The following DZIP1 variants were observed in gnomAD, a reference collection of about 807,000 sequenced individuals.
DZIP1 encodes cilium assembly protein DZIP1.
DZIP1 carries 97 observed loss-of-function variants against 107.6 expected under a neutral mutation model. That is an observed-to-expected ratio of 0.90 (90% CI 0.77 to 1.07). DZIP1 has a LOEUF of 1.07. Among genes scored for constraint, DZIP1 ranks in the 50% least tolerant of loss-of-function variants. DZIP1 has a pLI of 0.00. For missense variants in DZIP1, 1,035 were observed against 1,063.6 expected, an observed-to-expected ratio of 0.97 and a Z score of 0.37; for synonymous variants, 390 against 386.4, an observed-to-expected ratio of 1.01 and a Z score of -0.11.
intron 7 of DZIP1, among the ~76,000 whole-genome samples, chr13:95,628,807 C>G (rs965315805): frequency 2.0e-5 from 3 of 152,102 alleles, no homozygotes; most frequent in African/African-American, 7.2e-5. Flanking sequence ...CTCTATGCTT[C>G]CATTCATATG....
chr13:95,593,572 T>G (rs1029881583), intron 16 of DZIP1, among the ~76,000 whole-genome samples: 1 of 152,220 alleles, frequency 6.6e-6, no homozygotes, highest in African/African-American at 2.4e-5. Flanking sequence ...TAATAGGCAA[T>G]GATTTGAGGT....
At chr13:95,605,613 T>C (rs1327428723) in intron 14 of DZIP1, among the ~76,000 whole-genome samples, 14 of 152,218 alleles carry the variant, frequency 9.2e-5, no homozygotes, top group Non-Finnish European at 1.6e-4. Flanking sequence ...TGCTGCCACA[T>C]TGAAAGTTAT....
At chr13:95,596,248 A>G (rs747221228) in intron 15 of DZIP1, among the ~76,000 whole-genome samples, 2 of 152,182 alleles carry the variant, frequency 1.3e-5, no homozygotes, top group African/African-American at 2.4e-5. Flanking sequence ...CAAGACCAAG[A>G]CAAAACTTTC....
chr13:95,618,671 T>C (rs1875448276), intron 10 of DZIP1, among the ~76,000 whole-genome samples: 1 of 152,224 alleles, frequency 6.6e-6, no homozygotes, highest in Admixed American at 6.5e-5. Flanking sequence ...TTTGGAGAAA[T>C]ATAAGCTGAT....
Position 95,641,736 on chromosome 13 carries a change from C to T in DZIP1, c.156G>A (p.Ser52=), listed in dbSNP as rs767775575. The T allele has an allele frequency of 5.0e-6, 8 of 1,593,484 alleles. No homozygotes were observed. The highest frequency in any genetic ancestry group is 6.8e-6 in the Non-Finnish European group (8 of 1,175,426). ...SMACAPPSAA[S]GPLPFFQFRP... is the part of the protein sequence containing the mutation. ...TGAACTGGAAGAAGGGCAGGGGCCC[C>T]GAAGCCGCGCTGGGGGGCGCACAGG... Residue 52 remains serine, a synonymous_variant, in exon 5 of 23, where the codon TCG becomes TCA. Transcript: ENST00000376829. This position sits in a 1 kb window ranked among gnomAD's most constrained non-coding sequence, Gnocchi z 4.3.
At chr13:95,629,863 TA>T in intron 7 of DZIP1, 125 bp downstream of exon 7, 1 of 958,508 alleles carries the variant, frequency 1.0e-6, no homozygotes, top group Non-Finnish European at 1.4e-6. Context: ...AGATTGGCAA[TA>T]AAAAATGCAA....
chr13:95,626,719 A>G (rs1876584785), intron 7 of DZIP1, among the ~76,000 whole-genome samples: 1 of 152,242 alleles, frequency 6.6e-6, no homozygotes, highest in Non-Finnish European at 1.5e-5. Flanking sequence ...ATATTTCTAT[A>G]TACCAGCAAT....
intron 5 of DZIP1, among the ~76,000 whole-genome samples, chr13:95,638,651 A>ACG (rs977653250): frequency 6.6e-6 from 1 of 151,664 alleles, no homozygotes; most frequent in African/African-American, 2.4e-5. Context: ...ACACACACAC[A>ACG]CACACACACA....
intron 13 of DZIP1, among the ~76,000 whole-genome samples, chr13:95,608,064 C>T (rs890320064): frequency 6.6e-6 from 1 of 152,130 alleles, no homozygotes; most frequent in Non-Finnish European, 1.5e-5. Context: ...ATCATTAGAA[C>T]CTTGGCTTTT....
At chr13:95,613,042 C>T (rs1317998368) in intron 10 of DZIP1, among the ~76,000 whole-genome samples, 1 of 151,504 alleles carries the variant, frequency 6.6e-6, no homozygotes, top group African/African-American at 2.4e-5. Context: ...GGGAGAGATG[C>T]AGAGGACAGA....
intron 7 of DZIP1, among the ~76,000 whole-genome samples, chr13:95,629,328 C>T (rs1195885295): frequency 6.6e-6 from 1 of 152,252 alleles, no homozygotes; most frequent in Non-Finnish European, 1.5e-5. Context: ...TCATGGGCCT[C>T]TTTCCTCTTG....
At position 95,633,472 on chromosome 13, in the gene DZIP1, T is replaced by G. The variant is rs949930623; in HGVS notation, c.598-151A>C. On this transcript the variant is annotated intron_variant, in intron 5 of 22. Transcript: ENST00000376829. ...TCAAGGTAGGCAGATCACCCAAGGT[T>G]AGAAGTTTGAGACCAGCCTGGCCAA... The G allele has an allele frequency of 3.6e-5, 23 of 637,440 alleles. No homozygotes were observed. In the African/African-American group the frequency reaches 3.7e-4, roughly 10 times the overall value. The allele number at this position is 637,440 out of a possible 1,614,324, so 39.5% of individuals were successfully genotyped here. A position where few individuals can be genotyped will look rare whatever the true frequency, so the allele number is the denominator to read the frequency against.
rs2044244371 is a variant in DZIP1, at chr13:95,589,216, A to C, written c.1974-9T>G. On this transcript the variant is annotated splice_polypyrimidine_tract_variant and intron_variant, in intron 18 of 22. Transcript: ENST00000376829. ...TGACATTTTTCTTAATTCTAAAAAA[A>C]CAACAGAAAAATATTTTTAAATTGC... 6.4e-7 allele frequency: 1 copy of C among 1,570,716 alleles called. No homozygotes were observed. The highest frequency in any genetic ancestry group is 8.7e-7 in the Non-Finnish European group (1 of 1,148,704).
At chr13:95,590,787 C>T (rs2044290723) in intron 16 of DZIP1, among the ~76,000 whole-genome samples, 1 of 152,184 alleles carries the variant, frequency 6.6e-6, no homozygotes, top group South Asian at 2.1e-4. Context: ...GCCTGAAGGA[C>T]AGGTGGAGTC....
Position 95,641,903 on chromosome 13 carries a change from G to C in DZIP1, c.37-48C>G. ...GCGGCGGGAGGCGGGGATGGGGGGC[G>C]GGCAGGCTGGGGAGCTGGGGGTCCG... On this transcript the variant is annotated intron_variant, in intron 4 of 22. Transcript: ENST00000376829. The surrounding 1 kb of genome is among the most constrained non-coding windows in gnomAD (Gnocchi z 4.3). 1 of 1,435,738 alleles carries C rather than the reference G, an allele frequency of 7.0e-7. No individual in the cohort carries two copies. Among genetic ancestry groups the C allele is most frequent in the Non-Finnish European group, 9.1e-7 (1 of 1,096,796 alleles). The allele number at this position is 1,435,738 out of a possible 1,614,324, so 88.9% of individuals were successfully genotyped here.
intron 5 of DZIP1, among the ~76,000 whole-genome samples, chr13:95,635,362 A>G (rs1183715528): frequency 2.6e-5 from 4 of 151,896 alleles, no homozygotes; most frequent in Non-Finnish European, 5.9e-5. Context: ...ACTCCCAGCT[A>G]ATTTTTGTAT....
At chr13:95,611,560 G>A in intron 11 of DZIP1, 67 bp from the exon 12 acceptor site, 2 of 1,239,266 alleles carry the variant, frequency 1.6e-6, no homozygotes, top group South Asian at 2.4e-5. Context: ...ATGGGATAAT[G>A]GACAGATAAT....
In DZIP1 at chr13:95,610,111, T is replaced by TGAGA. The variant is rs1555308785; in HGVS notation, c.1364-602_1364-599dup. ...GTGTGTGTGTGTGTGTGTGTGTGTGTGAGAGAGAGACAGAGAGAGAGAGAC... is the reference window on the plus strand; with the variant it reads ...GTGTGTGTGTGTGTGTGTGTGTGTGTGAGAGAGAGAGAGACAGAGAGAGAGAGAC... On this transcript the variant is annotated intron_variant, in intron 12 of 22. Transcript: ENST00000376829. Among the ~76,000 whole-genome samples, 60 of 126,768 alleles carry TGAGA rather than the reference T, an allele frequency of 4.7e-4. 1 individual carries two copies. The highest frequency in any genetic ancestry group is 8.1e-4 in the Non-Finnish European group (47 of 58,238). 83.2% of individuals were successfully genotyped at this position (126,768 alleles called of 152,430 possible).
chr13:95,594,442 A>T (rs548614289), intron 15 of DZIP1, among the ~76,000 whole-genome samples: 77 of 152,296 alleles, frequency 5.1e-4, no homozygotes, highest in Admixed American at 1.0e-3. Context: ...ATTCATCTCC[A>T]AGCTCACTCA....
Sources: gnomAD v4.1 joint callset for allele counts (sites outside exome capture counted in the v4.1 genomes callset) on GRCh38, gnomAD v4.1.1 for gene constraint, Gnocchi (gnomAD v3.1) non-coding constraint, MANE v1.5 for transcripts, NCBI Gene and HGNC (gene_info 2026-07-23, HGNC 2026-07-21) for gene names.